The following HELLS variants were observed in gnomAD, a reference collection of about 807,000 sequenced individuals.
The protein encoded by HELLS is lymphoid-specific helicase.
HELLS carries 32 observed loss-of-function variants against 120.0 expected under a neutral mutation model. That is an observed-to-expected ratio of 0.27 (90% CI 0.20 to 0.36). The LOEUF is 0.36. Among genes scored for constraint, HELLS ranks in the 10% least tolerant of loss-of-function variants. HELLS has a pLI of 1.00. For synonymous variants in HELLS, 341 were observed against 323.4 expected (o/e 1.05, Z -0.58); for missense variants, 650 against 993.4 (o/e 0.65, Z 4.65).
chr10:94,567,480 T>G (rs1461435661), intron 6 of HELLS, among the ~76,000 whole-genome samples: 2 of 152,120 alleles, frequency 1.3e-5, no homozygotes, highest in Admixed American at 6.6e-5. Context: ...GTATTTTTAG[T>G]AGAGACGGGG....
chr10:94,545,815 C>G lies in HELLS; in HGVS notation c.-107C>G. ...AGGAGAAGCGCGCTTTTTTCCCTGG[C>G]GGGGGATTTGGCTAGAAGGCTGGGC... On this transcript the variant is annotated 5_prime_UTR_variant, in exon 1 of 22. Coordinates refer to ENST00000348459, the MANE Select transcript of HELLS (RefSeq NM_018063.5). 1 of 1,296,136 alleles carries G rather than the reference C, an allele frequency of 7.7e-7. No individual in the cohort carries two copies. Among genetic ancestry groups the G allele is most frequent in the Non-Finnish European group, 1.1e-6 (1 of 914,044 alleles). The allele number at this position is 1,296,136 out of a possible 1,614,324, so 80.3% of individuals were successfully genotyped here. A position where few individuals can be genotyped will look rare whatever the true frequency, so the allele number is the denominator to read the frequency against.
In HELLS at chr10:94,575,771, T is replaced by TTGTG. The variant is rs71031588; in HGVS notation, c.889-851_889-848dup. 5.5e-3 allele frequency among the ~76,000 whole-genome samples: 675 copies of TTGTG among 122,804 alleles called. 10 individuals carry two copies. Among genetic ancestry groups the TTGTG allele is most frequent in the Admixed American group, 7.8e-3 (93 of 11,892 alleles). 80.6% of individuals were successfully genotyped at this position (122,804 alleles called of 152,430 possible). On this transcript the variant is annotated intron_variant, in intron 9 of 21. Coordinates refer to ENST00000348459, the MANE Select transcript of HELLS (RefSeq NM_018063.5). ...TTTTTTGTTGGGGGGGGGGTTGTGT[T>TTGTG]TGTGTGTGTGTGTGTGTGTGTGTGT... is the stretch of plus-strand genomic sequence containing the variant.
chr10:94,552,030 CG>C (rs1332051914), intron 2 of HELLS, among the ~76,000 whole-genome samples: 2 of 152,280 alleles, frequency 1.3e-5, no homozygotes, highest in East Asian at 3.9e-4. Flanking sequence ...TGAGCCACCG[CG>C]CCCAGCCTCA....
chr10:94,579,361 C>T lies in HELLS; in HGVS notation c.1033-1965C>T, dbSNP rs368000846. Reference sequence around the variant, plus strand: ...GACTACAGGTGCCCACAACCATGCCCGGCTAATTTTTTTGTATTTCTAGTA... The same window carrying T: ...GACTACAGGTGCCCACAACCATGCCTGGCTAATTTTTTTGTATTTCTAGTA... On this transcript the variant is annotated intron_variant, in intron 10 of 21. Coordinates refer to ENST00000348459, the MANE Select transcript of HELLS (RefSeq NM_018063.5). Among the ~76,000 whole-genome samples, 36 of 151,608 alleles carry T rather than the reference C, an allele frequency of 2.4e-4. No homozygotes were observed. The South Asian group carries it at 4.4e-3, about 18-fold the overall frequency.
chr10:94,554,645 T>TTG (rs1843157508), intron 3 of HELLS, among the ~76,000 whole-genome samples: 3 of 115,510 alleles, frequency 2.6e-5, no homozygotes, highest in Non-Finnish European at 3.7e-5. Flanking sequence ...AGTAATAGTG[T>TTG]TTTTTTTTTT....
rs1245823469 is a variant in HELLS at position 94,562,687 on chromosome 10, G to C, written c.334-4G>C. ...AATCAATATTCTGAATCCTTGTTTT[G>C]TAGGGTAAAAATTCAATTGATGCAA... is the stretch of plus-strand genomic sequence containing the variant. On this transcript the variant is annotated splice_region_variant and splice_polypyrimidine_tract_variant and intron_variant, in intron 4 of 21. Coordinates refer to ENST00000348459, the MANE Select transcript of HELLS (RefSeq NM_018063.5). The C allele has an allele frequency of 6.3e-7, 1 of 1,577,540 alleles. No individual in the cohort carries two copies. The highest frequency in any genetic ancestry group is 1.2e-5 in the South Asian group (1 of 86,892).
exon 10 of HELLS, chr10:94,613,273 T>C (rs898538652): frequency 6.6e-6 from 1 of 152,238 alleles, no homozygotes; most frequent in Admixed American, 6.5e-5. Flanking sequence ...TGGCAATTGT[T>C]CAATTTTGCA....
intron 7 of HELLS, among the ~76,000 whole-genome samples, chr10:94,572,601 T>G (rs1046292250): frequency 2.6e-5 from 4 of 152,252 alleles, no homozygotes; most frequent in African/African-American, 9.6e-5. Flanking sequence ...TTGGGTTGTT[T>G]GCAGTTTGTG....
chr10:94,563,114 T>C (rs1181168219), intron 6 of HELLS, among the ~76,000 whole-genome samples: 1 of 151,976 alleles, frequency 6.6e-6, no homozygotes, highest in Non-Finnish European at 1.5e-5. Context: ...CTTTTTTTTT[T>C]TTTTGAGATG....
intron 4 of HELLS, among the ~76,000 whole-genome samples, chr10:94,560,778 A>G (rs1002371251): frequency 3.9e-5 from 6 of 151,946 alleles, no homozygotes; most frequent in African/African-American, 7.2e-5. Flanking sequence ...AAAATGGGCC[A>G]GGCACGGTGG....
intron 12 of HELLS, among the ~76,000 whole-genome samples, chr10:94,583,783 TA>T (rs1402041420): frequency 6.6e-6 from 1 of 152,152 alleles, no homozygotes. Flanking sequence ...GATAGTCTTT[TA>T]AACAGTTATC....
intron 6 of HELLS, among the ~76,000 whole-genome samples, chr10:94,564,685 C>A (rs904627744): frequency 6.6e-6 from 1 of 151,968 alleles, no homozygotes; most frequent in African/African-American, 2.4e-5. Context: ...GATCTCGGCT[C>A]ACTGCTACAA....
intron 17 of HELLS, 78 bp from the exon 18 acceptor site, chr10:94,593,421 A>G: frequency 1.2e-6 from 1 of 867,288 alleles, no homozygotes; most frequent in South Asian, 1.4e-5. Flanking sequence ...AATAGTTGTA[A>G]TTGAAAACAT....
chr10:94,597,836 CGTG>C (rs1845814703), intron 21 of HELLS, among the ~76,000 whole-genome samples: 1 of 152,058 alleles, frequency 6.6e-6, no homozygotes, highest in Admixed American at 6.6e-5. Context: ...CCAAGCCTAA[CGTG>C]GTGATTTTTA....
chr10:94,565,781 G>A (rs1843764727), intron 6 of HELLS, among the ~76,000 whole-genome samples: 1 of 152,124 alleles, frequency 6.6e-6, no homozygotes, highest in South Asian at 2.1e-4. Context: ...GTGGAATATC[G>A]GTTTTGGGCA....
chr10:94,582,856 C>A, intron 11 of HELLS, 107 bp from the exon 12 acceptor site: 1 of 586,100 alleles, frequency 1.7e-6, no homozygotes, highest in Non-Finnish European at 2.9e-6. Context: ...TTTGATGCAA[C>A]AATACCACGT....
intron 12 of HELLS, 35 bp from the exon 13 acceptor site, chr10:94,588,194 A>T: frequency 7.6e-7 from 1 of 1,308,400 alleles, no homozygotes; most frequent in South Asian, 1.3e-5. Context: ...AGAATGTTTA[A>T]TACTCATATT....
rs1844313089 is a variant in HELLS, at chr10:94,573,986, C to G, written c.504C>G (p.Leu168=). 1 of 1,608,584 alleles carries G rather than the reference C, an allele frequency of 6.2e-7. No homozygotes were observed. The highest frequency in any genetic ancestry group is 8.5e-7 in the Non-Finnish European group (1 of 1,175,206). The part of the protein sequence containing the change: ...NEDENSSSTN[L]CVEDLQKNKD... The stretch of plus-strand genomic sequence containing the variant: ...ATGAAAACTCCTCCTCTACTAATCT[C>G]TGTGTGGAAGATCTTCAGAAAAATA... The change falls in exon 8 of 22, where the codon CTC becomes CTG. Residue 168 remains leucine (L), a synonymous_variant. Coordinates refer to ENST00000348459, the MANE Select transcript of HELLS (RefSeq NM_018063.5).
chr10:94,576,915 A>G (rs922810448), intron 10 of HELLS, 110 bp downstream of exon 10: 14 of 944,418 alleles, frequency 1.5e-5, no homozygotes, highest in Non-Finnish European at 2.2e-5. Context: ...TTTGTTGTCG[A>G]AATAATAGAT....
Sources: gnomAD v4.1 joint callset for allele counts (sites outside exome capture counted in the v4.1 genomes callset) on GRCh38, gnomAD v4.1.1 for gene constraint, MANE v1.5 for transcripts, NCBI Gene and HGNC (gene_info 2026-07-23, HGNC 2026-07-21) for gene names.